The following GNAS variants were observed in gnomAD, a reference collection of about 807,000 sequenced individuals.
GNAS encodes protein ALEX.
GNAS carries 8 observed loss-of-function variants against 54.5 expected under a neutral mutation model. The ratio of observed to expected loss-of-function variants is 0.15; its 90% CI spans 0.09 to 0.26. GNAS has a LOEUF of 0.26. GNAS is among the 10% of genes least tolerant of loss of function. The probability of loss-of-function intolerance (pLI) is 1.00; values close to 1 mark genes in which losing one functional copy is unlikely to be tolerated. For synonymous variants in GNAS, 204 were observed against 191.4 expected (o/e 1.07, Z -0.54); for missense variants, 170 against 529.8 (o/e 0.32, Z 6.67).
rs572907640 is a variant in GNAS at position 58,846,698 on chromosome 20, G to A, written c.43+5812G>A. Among the ~76,000 whole-genome samples the A allele has an allele frequency of 1.1e-4, 17 of 152,330 alleles. No homozygotes were observed. The South Asian group carries it at 3.5e-3, about 32-fold the overall frequency. Reference sequence around the variant, plus strand: ...TTCTTCTCCCCTCAACCCCATGTGAGAGCTGGTTTCTGAGTGTCCTGGCTT... The same window carrying A: ...TTCTTCTCCCCTCAACCCCATGTGAAAGCTGGTTTCTGAGTGTCCTGGCTT... On this transcript the variant is annotated intron_variant, in intron 1 of 12. Transcript: ENST00000306090.
intron 1 of GNAS, among the ~76,000 whole-genome samples, chr20:58,868,770 G>T (rs1221354437): frequency 6.6e-6 from 1 of 152,044 alleles, no homozygotes; most frequent in Non-Finnish European, 1.5e-5. Context: ...TTCTTATTTT[G>T]GGGGGACTTT....
chr20:58,909,935 G>A lies in GNAS; in HGVS notation c.840-16G>A, dbSNP rs2146288838. On this transcript the variant is annotated splice_polypyrimidine_tract_variant and intron_variant, in intron 10 of 12. Transcript: ENST00000371085. The surrounding 1 kb of genome is among the most constrained non-coding windows in gnomAD (Gnocchi z 7.3). ...CGCGCTTCTCCCAAGCATTCACACG[G>A]CCTCCCTTCTTGTAGATGGCTGCGC... is the stretch of plus-strand genomic sequence containing the variant. 8.1e-6 allele frequency: 13 copies of A among 1,614,014 alleles called. No homozygotes were observed. The highest frequency in any genetic ancestry group is 1.1e-5 in the Non-Finnish European group (13 of 1,179,902).
intron 1 of GNAS, 63 bp from the exon 2 acceptor site, chr20:58,895,549 A>T (rs2146003812): frequency 1.0e-6 from 1 of 961,574 alleles, no homozygotes; most frequent in Non-Finnish European, 1.7e-6. Flanking sequence ...ACAACAGCAG[A>T]CCTCCCTGCC....
At chr20:58,867,276 A>T (rs940646389) in intron 1 of GNAS, among the ~76,000 whole-genome samples, 25 of 152,232 alleles carry the variant, frequency 1.6e-4, no homozygotes, top group African/African-American at 5.5e-4. Context: ...GCTATTTATA[A>T]TTAAGCATTT....
At chr20:58,840,425 T>C (rs2085672984), upstream of GNAS, 1 of 1,613,002 alleles carries the variant, frequency 6.2e-7, no homozygotes, top group South Asian at 1.1e-5. The surrounding 1 kb of genome is among the most constrained non-coding windows in gnomAD (Gnocchi z 6.0). Context: ...CGAGGAAGAG[T>C]TCGACTACGA....
At chr20:58,892,114 C>CCGCTCAGT in intron 1 of GNAS, 1 of 969,608 alleles carries the variant, frequency 1.0e-6, no homozygotes, top group South Asian at 4.8e-5. Context: ...CCCGGCCTGC[C>CCGCTCAGT]CGCTCAGTGT....
In GNAS at chr20:58,909,072, C is replaced by G; in HGVS notation, c.531-90C>G. The G allele has an allele frequency of 3.7e-6, 4 of 1,088,918 alleles. No homozygotes were observed. The highest frequency in any genetic ancestry group is 2.5e-5 in the South Asian group (2 of 80,426). 67.5% of individuals were successfully genotyped at this position (1,088,918 alleles called of 1,614,324 possible). On this transcript the variant is annotated intron_variant, in intron 6 of 12. Transcript: ENST00000371085. This position sits in a 1 kb window ranked among gnomAD's most constrained non-coding sequence, Gnocchi z 7.3. ...TGCATAACTGTGGGACGGTCACTTC[C>G]GTTGAGCCTGACCTTGTAGAGAGAC...
intron 1 of GNAS, among the ~76,000 whole-genome samples, chr20:58,847,718 T>G (rs1283945464): frequency 6.6e-6 from 1 of 152,092 alleles, no homozygotes; most frequent in Non-Finnish European, 1.5e-5. Flanking sequence ...AAAAATACTG[T>G]TTTTCGTGGT....
chr20:58,846,752 G>C (rs1244004206), intron 1 of GNAS, among the ~76,000 whole-genome samples: 2 of 152,162 alleles, frequency 1.3e-5, no homozygotes, highest in Admixed American at 1.3e-4. Flanking sequence ...GATTTCATTA[G>C]GAAAATTTGC....
chr20:58,891,240 A>AGCCGCCGCCGCCGCCGCCGCC (rs530801993), upstream of GNAS: 2 of 141,606 alleles, frequency 1.4e-5, no homozygotes, highest in Non-Finnish European at 3.1e-5. Context: ...CCGCCCTCCC[A>AGCCGCCGCCGCCGCCGCCGCC]GCCGCCGCCG....
intron 1 of GNAS, chr20:58,895,059 CCTG>C (rs1345408241): frequency 5.8e-6 from 1 of 172,812 alleles, no homozygotes; most frequent in African/African-American, 2.4e-5. Flanking sequence ...GGGTAGGAAA[CCTG>C]CACAGAAAGA....
chr20:58,840,638 G>A (rs1338833333), upstream of GNAS: 3 of 1,605,852 alleles, frequency 1.9e-6, no homozygotes, highest in South Asian at 1.1e-5. This position sits in a 1 kb window ranked among gnomAD's most constrained non-coding sequence, Gnocchi z 6.0. Context: ...CCCAAGTCGC[G>A]CGCCGCCCAG....
chr20:58,906,796 C>G (rs1036225734), intron 6 of GNAS, among the ~76,000 whole-genome samples: 32 of 152,264 alleles, frequency 2.1e-4, no homozygotes, highest in African/African-American at 7.2e-4. Flanking sequence ...TCCCAAAGTG[C>G]TGGGATTACA....
chr20:58,883,697 T>C (rs1368496791), intron 1 of GNAS, among the ~76,000 whole-genome samples: 6 of 152,148 alleles, frequency 3.9e-5, no homozygotes, highest in Non-Finnish European at 8.8e-5. Flanking sequence ...GCAGAGGGCA[T>C]AGCCCTGAGC....
Position 58,841,620 on chromosome 20 carries a change from G to C in GNAS, c.43+734G>C, listed in dbSNP as rs985971505. ...AAAGAGCGTGCGCACCTGCCCGCGC[G>C]CGCCGGAGCTGACCTCTCCCGGCGG... is the stretch of plus-strand genomic sequence containing the variant. On this transcript the variant is annotated intron_variant, in intron 1 of 12. Coordinates refer to the GNAS transcript ENST00000306090. The surrounding 1 kb of genome is among the most constrained non-coding windows in gnomAD (Gnocchi z 5.0). 2 of 1,057,746 alleles carry C rather than the reference G, an allele frequency of 1.9e-6. No homozygotes were observed. The allele number at this position is 1,057,746 out of a possible 1,614,324, so 65.5% of individuals were successfully genotyped here.
At chr20:58,859,920 G>A (rs577402044) in intron 1 of GNAS, among the ~76,000 whole-genome samples, 6 of 152,154 alleles carry the variant, frequency 3.9e-5, no homozygotes, top group Non-Finnish European at 1.5e-5. Context: ...CATCGCGCCC[G>A]GCCATAAGGC....
intron 1 of GNAS, chr20:58,850,600 A>G (rs1192382519): frequency 7.5e-6 from 3 of 398,896 alleles, no homozygotes; most frequent in Non-Finnish European, 1.3e-5. Context: ...TCCTCGCAGT[A>G]AGCCCTCTCC....
Position 58,891,623 on chromosome 20 carries a change from C to CGGCCCGCCCGCCCGGCGCT in GNAS, c.-102_-84dup. On this transcript the variant is annotated 5_prime_UTR_variant, in exon 1 of 13. Transcript: ENST00000371085. Reference sequence around the variant, plus strand: ...CTTGCCGAGGAGCCGAGCCCGCGCCCGGCCCGCCCGCCCGGCGCTGCCCCG... The same window carrying CGGCCCGCCCGCCCGGCGCT: ...CTTGCCGAGGAGCCGAGCCCGCGCCCGGCCCGCCCGCCCGGCGCTGGCCCGCCCGCCCGGCGCTGCCCCG... The CGGCCCGCCCGCCCGGCGCT allele has an allele frequency of 1.0e-6, 1 of 971,266 alleles. No homozygotes were observed. Among genetic ancestry groups the CGGCCCGCCCGCCCGGCGCT allele is most frequent in the Non-Finnish European group, 1.2e-6 (1 of 822,474 alleles). The allele number at this position is 971,266 out of a possible 1,614,324, so 60.2% of individuals were successfully genotyped here.
chr20:58,903,055 A>G, intron 3 of GNAS: 1 of 309,586 alleles, frequency 3.2e-6, no homozygotes, highest in South Asian at 2.9e-5. Context: ...GAACTATTAT[A>G]AACACCACCA....
Sources: gnomAD v4.1 joint callset for allele counts (sites outside exome capture counted in the v4.1 genomes callset) on GRCh38, gnomAD v4.1.1 for gene constraint, Gnocchi (gnomAD v3.1) non-coding constraint, MANE v1.5 for transcripts, NCBI Gene and HGNC (gene_info 2026-07-23, HGNC 2026-07-21) for gene names.